TNRC6C: variants seen among roughly 807,000 people sequenced by gnomAD.
The protein encoded by TNRC6C is trinucleotide repeat-containing gene 6C protein.
In TNRC6C, 20 loss-of-function variants were observed where a neutral mutation model predicts 153.7. The observed-to-expected ratio is 0.13, with a 90% CI of 0.09 to 0.19. The LOEUF is 0.19. Among genes scored for constraint, TNRC6C ranks in the 10% least tolerant of loss-of-function variants. The pLI, the probability that TNRC6C is intolerant of heterozygous loss-of-function variation, is 1.00. For synonymous variants in TNRC6C, 811 were observed against 841.4 expected (o/e 0.96, Z 0.63); for missense variants, 1,987 against 2,172.0 (o/e 0.91, Z 1.69).
In TNRC6C at chr17:78,079,235, C is replaced by T. The variant is rs1388171167; in HGVS notation, c.3211-160C>T. On this transcript the variant is annotated intron_variant, in intron 9 of 19. Transcript: ENST00000301624. This position sits in a 1 kb window ranked among gnomAD's most constrained non-coding sequence, Gnocchi z 4.3. ...CTGCACTCCAGTCTGGGTGACAGAA[C>T]AAGACTCTGTCTCAAAAAAATTCTC... 6.6e-6 allele frequency among the ~76,000 whole-genome samples: 1 copy of T among 152,046 alleles called. No individual in the cohort carries two copies. The highest frequency in any genetic ancestry group is 1.5e-5 in the Non-Finnish European group (1 of 68,014).
intron 1 of TNRC6C, among the ~76,000 whole-genome samples, chr17:78,029,592 C>T (rs963966982): frequency 1.3e-5 from 2 of 152,150 alleles, no homozygotes; most frequent in Admixed American, 1.3e-4. Flanking sequence ...CATGACTATA[C>T]ACTTAGGCCA....
chr17:78,056,875 AT>A (rs2072668868), intron 3 of TNRC6C, among the ~76,000 whole-genome samples: 1 of 125,916 alleles, frequency 7.9e-6, no homozygotes, highest in Admixed American at 7.7e-5. Flanking sequence ...TATATGAAAA[AT>A]ATTTATAGAT....
chr17:78,054,958 A>T (rs1306574002), intron 3 of TNRC6C, among the ~76,000 whole-genome samples: 1 of 152,056 alleles, frequency 6.6e-6, no homozygotes, highest in African/African-American at 2.4e-5. Context: ...GCTACCATAC[A>T]CCACTGCGGA....
intron 1 of TNRC6C, among the ~76,000 whole-genome samples, chr17:77,967,329 G>A (rs539870063): frequency 2.0e-5 from 3 of 152,050 alleles, no homozygotes; most frequent in Non-Finnish European, 2.9e-5. Flanking sequence ...TCCCTACATC[G>A]TCTATAGTAT....
chr17:78,064,931 A>C, exon 4 of TNRC6C: 1 of 1,607,884 alleles, frequency 6.2e-7, no homozygotes, highest in Admixed American at 1.7e-5. Flanking sequence ...AGCCCTGTGC[A>C]AACCAGGTAA....
intron 1 of TNRC6C, among the ~76,000 whole-genome samples, chr17:77,983,574 G>C (rs2071112741): frequency 6.6e-6 from 1 of 152,112 alleles, no homozygotes; most frequent in Non-Finnish European, 1.5e-5. Flanking sequence ...TGAAGGTTTA[G>C]GTCACCCTGT....
At chr17:78,087,428 G>T (rs2073315594) in intron 13 of TNRC6C, among the ~76,000 whole-genome samples, 2 of 152,032 alleles carry the variant, frequency 1.3e-5, no homozygotes, top group Admixed American at 6.6e-5. Context: ...TCAAGGATTT[G>T]TAATAAGGGA....
At chr17:78,094,202 G>A (rs1250969000) in intron 16 of TNRC6C, among the ~76,000 whole-genome samples, 1 of 151,712 alleles carries the variant, frequency 6.6e-6, no homozygotes, top group Non-Finnish European at 1.5e-5. Flanking sequence ...GGCTGGTCTC[G>A]AACTCCTGAC....
At chr17:77,984,364 A>C (rs1011327299) in intron 1 of TNRC6C, among the ~76,000 whole-genome samples, 3 of 150,368 alleles carry the variant, frequency 2.0e-5, no homozygotes, top group Non-Finnish European at 2.9e-5. Flanking sequence ...CTTAAAAAAA[A>C]AAAACAAAAA....
intron 13 of TNRC6C, among the ~76,000 whole-genome samples, chr17:78,088,575 T>C (rs928637216): frequency 6.6e-6 from 1 of 152,146 alleles, no homozygotes; most frequent in Non-Finnish European, 1.5e-5. Context: ...TAGGTTTGTT[T>C]TAAAGATTAA....
At chr17:77,977,597 T>C (rs2071018750) in intron 1 of TNRC6C, among the ~76,000 whole-genome samples, 1 of 152,184 alleles carries the variant, frequency 6.6e-6, no homozygotes, top group Non-Finnish European at 1.5e-5. Flanking sequence ...CTTTGAGAAT[T>C]CAGAAAACCT....
chr17:78,097,891 A>G, intron 16 of TNRC6C, 30 bp downstream of exon 19: 1 of 1,470,758 alleles, frequency 6.8e-7, no homozygotes, highest in Non-Finnish European at 9.1e-7. Context: ...ACTTGCAGGT[A>G]GCATTTTCTT....
intron 2 of TNRC6C, among the ~76,000 whole-genome samples, chr17:78,032,081 C>T (rs961194271): frequency 8.5e-5 from 13 of 152,144 alleles, no homozygotes; most frequent in African/African-American, 3.1e-4. Context: ...GCTTATTTTT[C>T]ATCAGAAACT....
At chr17:77,973,149 C>T (rs994512492) in intron 1 of TNRC6C, among the ~76,000 whole-genome samples, 26 of 152,102 alleles carry the variant, frequency 1.7e-4, no homozygotes, top group Admixed American at 1.6e-3. Context: ...TCAGGTGATC[C>T]GCCCGTCTTG....
At chr17:78,033,561 C>T (rs944239591) in intron 2 of TNRC6C, among the ~76,000 whole-genome samples, 1 of 151,826 alleles carries the variant, frequency 6.6e-6, no homozygotes, top group African/African-American at 2.4e-5. Flanking sequence ...CCCAGCTACT[C>T]GGGAGGCTGA....
At chr17:78,033,847 A>G (rs1362354585) in intron 2 of TNRC6C, among the ~76,000 whole-genome samples, 1 of 152,182 alleles carries the variant, frequency 6.6e-6, no homozygotes, top group Non-Finnish European at 1.5e-5. Context: ...ATTTTATACC[A>G]ATTTCATCTC....
chr17:78,073,731 A>T (rs746397787), intron 7 of TNRC6C, among the ~76,000 whole-genome samples: 2 of 152,178 alleles, frequency 1.3e-5, no homozygotes, highest in Non-Finnish European at 2.9e-5. Context: ...ACCAATCAAT[A>T]TATAACCTTG....
At chr17:77,961,407 C>T (rs978315132) in intron 1 of TNRC6C, among the ~76,000 whole-genome samples, 32 of 152,286 alleles carry the variant, frequency 2.1e-4, no homozygotes, top group East Asian at 1.7e-3. Flanking sequence ...CCGCCTGTCT[C>T]GGCCTCCCAA....
chr17:77,972,008 C>T (rs2070943715), intron 1 of TNRC6C, among the ~76,000 whole-genome samples: 1 of 151,922 alleles, frequency 6.6e-6, no homozygotes. Flanking sequence ...CTTCTACCTT[C>T]TGAATCTAGA....
Sources: allele counts gnomAD v4.1 joint callset (sites outside exome capture counted in the v4.1 genomes callset), GRCh38; gene constraint gnomAD v4.1.1; non-coding constraint Gnocchi (gnomAD v3.1); transcripts MANE v1.5; gene names NCBI Gene and HGNC (gene_info 2026-07-23, HGNC 2026-07-21).